STXBP5: variants seen among roughly 807,000 people sequenced by gnomAD.
The protein encoded by STXBP5 is syntaxin binding protein 5.
A neutral mutation model predicts 152.4 loss-of-function variants in STXBP5; 50 were observed. The observed-to-expected ratio is 0.33, with a 90% CI of 0.26 to 0.42. The LOEUF is 0.42. Ranked by LOEUF, STXBP5 falls within the 10% of genes least tolerant of loss-of-function variation. The pLI, the probability that STXBP5 is intolerant of heterozygous loss-of-function variation, is 1.00. For missense variants in STXBP5, 1,167 were observed against 1,388.6 expected (o/e 0.84, Z 2.54); for synonymous variants, 492 against 494.7 (o/e 0.99, Z 0.07).
intron 5 of STXBP5, 79 bp from the exon 6 acceptor site, chr6:147,262,211 A>C (rs1779676268): frequency 2.4e-6 from 2 of 820,816 alleles, no homozygotes; most frequent in South Asian, 3.6e-5. Flanking sequence ...TTTTCTATTT[A>C]TTTTTATTGG....
In STXBP5 at chr6:147,388,533, T is replaced by C. The variant is rs1786443700; in HGVS notation, c.*3778T>C. ...TCAAAGTACTTAAAAAGTATGTATATTATCCATACAAAAAGTTATGTTTTA... is the reference window on the plus strand; with the variant it reads ...TCAAAGTACTTAAAAAGTATGTATACTATCCATACAAAAAGTTATGTTTTA... On this transcript the variant is annotated 3_prime_UTR_variant, in exon 28 of 28. Transcript: ENST00000321680. 1 of 151,566 alleles carries C rather than the reference T, an allele frequency of 6.6e-6. No homozygotes were observed. Among genetic ancestry groups the C allele is most frequent in the Admixed American group, 6.6e-5 (1 of 15,180 alleles). The allele number at this position is 151,566 out of a possible 1,614,324, so 9.4% of individuals were successfully genotyped here. A position where few individuals can be genotyped will look rare whatever the true frequency, so the allele number is the denominator to read the frequency against.
Position 147,327,199 on chromosome 6 carries a change from C to G in STXBP5, c.2003C>G (p.Thr668Ser), listed in dbSNP as rs947715326. 6.2e-7 allele frequency: 1 copy of G among 1,614,080 alleles called. No individual in the cohort carries two copies. The highest frequency in any genetic ancestry group is 8.5e-7 in the Non-Finnish European group (1 of 1,179,988). ...AAAGCAGTGCTGCTCAACCTGGGCA[C>G]TATTGAATTATATGGCTCTAATGAT... is the stretch of plus-strand genomic sequence containing the variant. ...LQKAVLLNLG[T>S]IELYGSNDPY... The change falls in exon 18 of 28, where the codon ACT becomes AGT. Residue 668 changes from threonine (T) to serine (S), a missense_variant. By Grantham distance (58) the Thr-to-Ser change is moderately conservative. This residue lies in a region of STXBP5 where 833 missense variants were observed against 986.3 expected (regional missense o/e 0.84). Transcript: ENST00000321680.
intron 19 of STXBP5, 111 bp downstream of exon 19, chr6:147,334,333 T>C (rs1237669771): frequency 5.7e-6 from 5 of 877,558 alleles, no homozygotes; most frequent in East Asian, 5.5e-5. Flanking sequence ...ACGAAAACTT[T>C]TGTGTCACGT....
chr6:147,281,080 C>G (rs958425257), intron 8 of STXBP5, among the ~76,000 whole-genome samples: 1 of 152,162 alleles, frequency 6.6e-6, no homozygotes, highest in Non-Finnish European at 1.5e-5. Context: ...CATGTTGACT[C>G]TACAACTGAA....
intron 4 of STXBP5, among the ~76,000 whole-genome samples, chr6:147,245,812 A>T (rs2115247898): frequency 6.6e-6 from 1 of 152,304 alleles, no homozygotes; most frequent in Non-Finnish European, 1.5e-5. Context: ...TGAGTGATGC[A>T]GCTATAAGCC....
intron 25 of STXBP5, among the ~76,000 whole-genome samples, chr6:147,367,669 A>G (rs1449546100): frequency 6.6e-6 from 1 of 152,070 alleles, no homozygotes; most frequent in Non-Finnish European, 1.5e-5. Context: ...TGAGTAAAGC[A>G]AATTAAACCC....
Position 147,353,332 on chromosome 6 carries a change from C to A in STXBP5, c.2264C>A (p.Ser755Ter). 1 of 1,579,006 alleles carries A rather than the reference C, an allele frequency of 6.3e-7. No individual in the cohort carries two copies. Among genetic ancestry groups the A allele is most frequent in the South Asian group, 1.2e-5 (1 of 84,398 alleles). ...KMVANDIAKM[S>*]RKLSLPTDLK... ...GTCTTTTATTTTTCAGCAAAGATGT[C>A]AAGGAAGTTAAGCTTACCTACTGAC... is the stretch of plus-strand genomic sequence containing the variant. Residue 755 changes from serine (S) to a stop codon, truncating the protein, a stop_gained, in exon 22 of 28, where the codon TCA becomes TAA. Coordinates refer to ENST00000321680, the MANE Select transcript of STXBP5 (RefSeq NM_001127715.4). LOFTEE classifies it high-confidence loss of function.
chr6:147,208,288 T>C (rs1433815635), intron 2 of STXBP5, among the ~76,000 whole-genome samples: 2 of 152,272 alleles, frequency 1.3e-5, no homozygotes, highest in South Asian at 2.1e-4. Context: ...TCATTCCTTC[T>C]GTTGGGTTTA....
At chr6:147,380,473 T>G (rs1264973345) in intron 26 of STXBP5, among the ~76,000 whole-genome samples, 1 of 143,378 alleles carries the variant, frequency 7.0e-6, no homozygotes, top group Non-Finnish European at 1.5e-5. Flanking sequence ...AAAAAAAAGA[T>G]GTTGGGCCCC....
chr6:147,270,316 T>G (rs929067052), intron 7 of STXBP5, among the ~76,000 whole-genome samples: 1 of 151,128 alleles, frequency 6.6e-6, no homozygotes, highest in East Asian at 2.0e-4. Flanking sequence ...GGAGAATGGC[T>G]TGAACCTGGG....
intron 23 of STXBP5, among the ~76,000 whole-genome samples, chr6:147,361,308 T>A (rs1785054499): frequency 6.6e-6 from 1 of 152,136 alleles, no homozygotes; most frequent in Non-Finnish European, 1.5e-5. Context: ...TATAGATAAT[T>A]TACTGTTAAC....
intron 21 of STXBP5, among the ~76,000 whole-genome samples, chr6:147,346,556 T>G (rs1448243194): frequency 6.6e-6 from 1 of 151,956 alleles, no homozygotes; most frequent in Non-Finnish European, 1.5e-5. Flanking sequence ...CTGGCCAACA[T>G]GGTAAACCCC....
At chr6:147,235,592 C>G (rs950145248) in intron 3 of STXBP5, among the ~76,000 whole-genome samples, 5 of 151,936 alleles carry the variant, frequency 3.3e-5, no homozygotes, top group African/African-American at 1.2e-4. Flanking sequence ...CATTTAAATT[C>G]CAGGGATATT....
Position 147,286,834 on chromosome 6 carries a change from A to G in STXBP5, c.839-4260A>G, listed in dbSNP as rs181202205. ...AGCCTTTTCCCATGTTAGCAGCCCA[A>G]TCTCCTTTCTTGTCCCACCAGGTAA... On this transcript the variant is annotated intron_variant, in intron 8 of 27. Transcript: ENST00000321680. Among the ~76,000 whole-genome samples the G allele has an allele frequency of 3.0e-3, 457 of 152,008 alleles. 5 individuals carry two copies. Among genetic ancestry groups the G allele is most frequent in the Non-Finnish European group, 3.0e-3 (204 of 67,978 alleles).
chr6:147,280,018 A>C (rs1780626379), intron 8 of STXBP5, among the ~76,000 whole-genome samples: 1 of 151,548 alleles, frequency 6.6e-6, no homozygotes, highest in South Asian at 2.1e-4. Context: ...GATCTGTTTG[A>C]GAGTAAGTTG....
At position 147,382,820 on chromosome 6, in the gene STXBP5, A is replaced by T. The variant is rs114079575; in HGVS notation, c.3236A>T (p.Gln1079Leu). The change falls in exon 27 of 28, where the codon CAG becomes CTG. Residue 1079 changes from glutamine to leucine, a missense_variant. Around this residue, in one of 3 missense-constraint regions of STXBP5, gnomAD observed 833 missense variants for 986.3 expected, o/e 0.84. Coordinates refer to ENST00000321680, the MANE Select transcript of STXBP5 (RefSeq NM_001127715.4). ...GGAAAGGCTTCAAGGAGCCTTGCAC[A>T]GCATATTCCTGGCCCTGGTGGCATT... Reference protein sequence around the residue: ...SSGKASRSLAQHIPGPGGIEG... With the variant: ...SSGKASRSLALHIPGPGGIEG... 3.3e-4 allele frequency: 529 copies of T among 1,613,604 alleles called. 1 individual carries two copies. The African/African-American group carries it at 6.1e-3, about 18-fold the overall frequency.
intron 26 of STXBP5, among the ~76,000 whole-genome samples, chr6:147,381,462 T>C (rs1171140082): frequency 2.0e-5 from 3 of 152,112 alleles, no homozygotes; most frequent in Non-Finnish European, 4.4e-5. Context: ...GCACCCTCTT[T>C]GGAAAACTGA....
chr6:147,279,995 C>CT (rs553393433), intron 8 of STXBP5, among the ~76,000 whole-genome samples: 1 of 150,136 alleles, frequency 6.7e-6, no homozygotes, highest in African/African-American at 2.4e-5. Context: ...TACAAAGGAT[C>CT]TTTTTTTCTT....
intron 16 of STXBP5, among the ~76,000 whole-genome samples, chr6:147,319,078 A>G (rs1782782842): frequency 6.6e-6 from 1 of 152,162 alleles, no homozygotes; most frequent in Non-Finnish European, 1.5e-5. Flanking sequence ...CTCACAGGGT[A>G]ACAGACCAAA....
Sources: gnomAD v4.1 joint callset for allele counts (sites outside exome capture counted in the v4.1 genomes callset) on GRCh38, gnomAD v4.1.1 for gene constraint, gnomAD v4.1.1 regional missense constraint, MANE v1.5 for transcripts, NCBI Gene and HGNC (gene_info 2026-07-23, HGNC 2026-07-21) for gene names.